IQUB: variants seen among roughly 807,000 people sequenced by gnomAD.
IQUB encodes IQ motif and ubiquitin domain containing, also known as IQ motif and ubiquitin-like domain-containing protein.
IQUB carries 86 observed loss-of-function variants against 86.4 expected under a neutral mutation model. The ratio of observed to expected loss-of-function variants is 1.00; its 90% CI spans 0.84 to 1.19. The LOEUF is 1.19. IQUB is among the 50% of genes most tolerant of loss of function. The probability of loss-of-function intolerance (pLI) is 0.00; values close to 1 mark genes in which losing one functional copy is unlikely to be tolerated. For missense variants in IQUB, 946 were observed against 916.9 expected, an observed-to-expected ratio of 1.03 and a Z score of -0.41; for synonymous variants, 289 against 304.5, an observed-to-expected ratio of 0.95 and a Z score of 0.53.
chr7:123,506,560 G>A (rs949971996), intron 3 of IQUB, among the ~76,000 whole-genome samples: 68 of 152,104 alleles, frequency 4.5e-4, no homozygotes, highest in Non-Finnish European at 2.9e-5. Context: ...GCAGGGGGAA[G>A]AGAGCAAAGG....
At chr7:123,503,736 T>G (rs1212205200) in intron 3 of IQUB, among the ~76,000 whole-genome samples, 2 of 151,822 alleles carry the variant, frequency 1.3e-5, no homozygotes, top group Non-Finnish European at 2.9e-5. Flanking sequence ...AAATATACTA[T>G]TAATATATTT....
Position 123,464,873 on chromosome 7 carries a change from T to C in IQUB, c.1718A>G (p.Lys573Arg). 1 of 1,604,028 alleles carries C rather than the reference T, an allele frequency of 6.2e-7. No homozygotes were observed. The highest frequency in any genetic ancestry group is 8.5e-7 in the Non-Finnish European group (1 of 1,176,344). The stretch of plus-strand genomic sequence containing the variant: ...AACTTCAGGATTAAACAGAGGTGTT[T>C]TGATATAATGAAAAAAGAGTGTCGC... ...RIATLFFHYI[K>R]TPLFNPEVAK... is the part of the protein sequence containing the mutation. Residue 573 changes from lysine (K) to arginine (R), a missense_variant, in exon 10 of 13, where the codon AAA (lysine) becomes AGA (arginine). By Grantham distance (26) the Lys-to-Arg change is conservative. Transcript: ENST00000324698.
rs570519252 is a variant in IQUB at position 123,490,255 on chromosome 7, A to G, written c.1234+6441T>C. ...AAAGGAAAATGGAAAGGACATATCA[A>G]TATCAGGCAAAGTAGATTTAACAGC... is the stretch of plus-strand genomic sequence containing the variant. On this transcript the variant is annotated intron_variant, in intron 7 of 12. Transcript: ENST00000324698. Among the ~76,000 whole-genome samples the G allele has an allele frequency of 2.0e-5, 3 of 152,278 alleles. No homozygotes were observed. The South Asian group carries it at 6.2e-4, about 32-fold the overall frequency.
chr7:123,502,760 A>G lies in IQUB; in HGVS notation c.868-8T>C, dbSNP rs766571749. ...TTTTTTCTGAAAAACTGTCTAAAAG[A>G]AAACATTAAAAATTTAAATCAGTAT... On this transcript the variant is annotated splice_polypyrimidine_tract_variant and splice_region_variant and intron_variant, in intron 5 of 12. Coordinates refer to ENST00000324698, the MANE Select transcript of IQUB (RefSeq NM_178827.5). 1 of 1,576,412 alleles carries G rather than the reference A, an allele frequency of 6.3e-7. No homozygotes were observed.
chr7:123,493,515 G>A (rs1284959602), intron 7 of IQUB, among the ~76,000 whole-genome samples: 1 of 152,124 alleles, frequency 6.6e-6, no homozygotes, highest in Admixed American at 6.6e-5. Flanking sequence ...AAGGCAGGGT[G>A]ATAGCACCCT....
intron 7 of IQUB, among the ~76,000 whole-genome samples, chr7:123,487,367 G>T (rs557407963): frequency 6.6e-6 from 1 of 152,266 alleles, no homozygotes; most frequent in East Asian, 1.9e-4. Context: ...AAGACTCATG[G>T]CATAAGTCCT....
chr7:123,457,197 A>G (rs560594942), intron 12 of IQUB, 184 bp downstream of exon 12: 13 of 968,148 alleles, frequency 1.3e-5, no homozygotes, highest in Middle Eastern at 5.3e-4. Flanking sequence ...AATCTCTTAT[A>G]TATACCTTTT....
At chr7:123,524,066 T>TCTGTTTTGGTACCAGTACCATG (rs1797053108) in intron 1 of IQUB, among the ~76,000 whole-genome samples, 1 of 128,844 alleles carries the variant, frequency 7.8e-6, no homozygotes, top group African/African-American at 2.9e-5. Flanking sequence ...GATCTATATC[T>TCTGTTTTGGTACCAGTACCATG]CTGTTTTGGT....
Position 123,452,720 on chromosome 7 carries a change from TCAAA to T in IQUB, c.*19_*22del, listed in dbSNP as rs771000464. 3.2e-6 allele frequency: 5 copies of T among 1,577,636 alleles called. No homozygotes were observed. The highest frequency in any genetic ancestry group is 2.2e-5 in the East Asian group (1 of 44,626). ...TTAGCAGTGAACAAAATGCCGATCA[TCAAA>T]CAAATACTCCTGGATCACCTAATGA... is the stretch of plus-strand genomic sequence containing the variant. On this transcript the variant is annotated 3_prime_UTR_variant, in exon 13 of 13. Coordinates refer to ENST00000324698, the MANE Select transcript of IQUB (RefSeq NM_178827.5).
intron 11 of IQUB, among the ~76,000 whole-genome samples, chr7:123,460,781 T>C (rs991664443): frequency 1.3e-5 from 2 of 151,876 alleles, no homozygotes; most frequent in Non-Finnish European, 2.9e-5. Context: ...AAGTTAGGAA[T>C]TCAGGTCAGA....
At chr7:123,486,346 T>C (rs1026804485) in intron 7 of IQUB, among the ~76,000 whole-genome samples, 1 of 152,156 alleles carries the variant, frequency 6.6e-6, no homozygotes, top group Non-Finnish European at 1.5e-5. Flanking sequence ...AAATAAAAAA[T>C]CCTGCACACC....
intron 3 of IQUB, among the ~76,000 whole-genome samples, chr7:123,509,524 T>C (rs1796326454): frequency 6.6e-6 from 1 of 152,154 alleles, no homozygotes; most frequent in Non-Finnish European, 1.5e-5. Context: ...CTTGGCACAA[T>C]TATTATCACT....
chr7:123,480,406 G>C (rs752581980), intron 7 of IQUB, among the ~76,000 whole-genome samples: 1 of 152,100 alleles, frequency 6.6e-6, no homozygotes, highest in African/African-American at 2.4e-5. Flanking sequence ...TGCCTACAAA[G>C]CTCTCATCAA....
At chr7:123,530,430 GA>G (rs768144413) in intron 1 of IQUB, among the ~76,000 whole-genome samples, 1 of 149,936 alleles carries the variant, frequency 6.7e-6, no homozygotes. Flanking sequence ...GGGAGACTCT[GA>G]AAAAAAACAA....
chr7:123,534,523 G>C lies in IQUB; in HGVS notation c.-36C>G, dbSNP rs1171466127. 1 of 153,676 alleles carries C rather than the reference G, an allele frequency of 6.5e-6. No homozygotes were observed. Among genetic ancestry groups the C allele is most frequent in the African/African-American group, 2.4e-5 (1 of 41,448 alleles). The allele number at this position is 153,676 out of a possible 1,614,324, so 9.5% of individuals were successfully genotyped here. A position where few individuals can be genotyped will look rare whatever the true frequency, so the allele number is the denominator to read the frequency against. ...ACGAAACCAAACTATTCTCGTCGAA[G>C]TGCTTTCCCAGGCTCCTAAGACGCA... On this transcript the variant is annotated 5_prime_UTR_variant, in exon 1 of 13. Coordinates refer to ENST00000324698, the MANE Select transcript of IQUB (RefSeq NM_178827.5).
At chr7:123,488,187 A>G (rs1027922067) in intron 7 of IQUB, among the ~76,000 whole-genome samples, 2 of 151,834 alleles carry the variant, frequency 1.3e-5, no homozygotes, top group Non-Finnish European at 2.9e-5. Flanking sequence ...CAAAAAATAA[A>G]AAAATTATCC....
chr7:123,489,621 C>G (rs1364527684), intron 7 of IQUB, among the ~76,000 whole-genome samples: 2 of 150,872 alleles, frequency 1.3e-5, no homozygotes, highest in Non-Finnish European at 3.0e-5. Context: ...TCATTTAAAA[C>G]TTAGGAAATA....
intron 8 of IQUB, 36 bp from the exon 9 acceptor site, chr7:123,469,420 A>G (rs1356855517): frequency 1.6e-6 from 2 of 1,290,266 alleles, no homozygotes; most frequent in Admixed American, 2.4e-5. Flanking sequence ...TTATCAGTTA[A>G]TTAGAAACTA....
At chr7:123,462,796 T>C (rs985892665) in intron 10 of IQUB, 3 of 454,642 alleles carry the variant, frequency 6.6e-6, no homozygotes, top group African/African-American at 6.0e-5. Flanking sequence ...AGATGGAGCA[T>C]TTACTATAAT....
Sources: allele counts gnomAD v4.1 joint callset (sites outside exome capture counted in the v4.1 genomes callset), GRCh38; gene constraint gnomAD v4.1.1; transcripts MANE v1.5; gene names NCBI Gene and HGNC (gene_info 2026-07-23, HGNC 2026-07-21).